RBBP6: variants seen among roughly 807,000 people sequenced by gnomAD.
RBBP6 encodes the protein RB binding protein 6, ubiquitin ligase.
In RBBP6, 25 loss-of-function variants were observed where a neutral mutation model predicts 167.7. The ratio of observed to expected loss-of-function variants is 0.15; its 90% CI spans 0.11 to 0.21. RBBP6 has a LOEUF of 0.21. Ranked by LOEUF, RBBP6 falls within the 10% of genes least tolerant of loss-of-function variation. The pLI is 1.00. For synonymous variants in RBBP6, 789 were observed against 735.8 expected, an observed-to-expected ratio of 1.07 and a Z score of -1.17; for missense variants, 1,868 against 2,134.2, an observed-to-expected ratio of 0.88 and a Z score of 2.46.
chr16:24,546,126 C>A, intron 1 of RBBP6, 37 bp from the exon 2 acceptor site: 2 of 1,541,134 alleles, frequency 1.3e-6, no homozygotes, highest in Admixed American at 2.2e-5. Flanking sequence ...CACTCAAATC[C>A]CCAAATGGAA....
In RBBP6 at chr16:24,548,985, T is replaced by C. The variant is rs1386724525; in HGVS notation, c.303+4T>C. 2.5e-6 allele frequency: 4 copies of C among 1,611,268 alleles called. No individual in the cohort carries two copies. Among genetic ancestry groups the C allele is most frequent in the Admixed American group, 1.7e-5 (1 of 59,872 alleles). On this transcript the variant is annotated splice_donor_region_variant and intron_variant, in intron 3 of 17. Transcript: ENST00000319715. The stretch of plus-strand genomic sequence containing the variant: ...AGCGATGGCAACTACAAAAGCAGTA[T>C]GTAAAAACACAATCTCACACTTTTT...
rs1898894735 is a variant in RBBP6 at position 24,555,626 on chromosome 16, G to C, written c.360G>C (p.Leu120=). ...TACCTGTTAAACAGACTGCCAATCT[G>C]GCTGAAGCCAATGCTTCTGAAGAAG... ...SLAQLTKTAN[L]AEANASEEDK... The change falls in exon 5 of 18, where the codon CTG becomes CTC. Residue 120 remains leucine (L), a synonymous_variant. Transcript: ENST00000319715. 4.3e-6 allele frequency: 7 copies of C among 1,610,410 alleles called. No individual in the cohort carries two copies. The South Asian group carries it at 6.6e-5, about 15-fold the overall frequency.
Position 24,559,692 on chromosome 16 carries a change from A to G in RBBP6, c.847+15A>G, listed in dbSNP as rs549890813. 8 of 1,512,284 alleles carry G rather than the reference A, an allele frequency of 5.3e-6. No homozygotes were observed. In the South Asian group the frequency reaches 1.1e-4, roughly 21 times the overall value. The allele number at this position is 1,512,284 out of a possible 1,614,324, so 93.7% of individuals were successfully genotyped here. ...CTGTGATGAATGTAAGAAGTGCTGA[A>G]TCTTGGAAGATGTATATTTTAGAAT... On this transcript the variant is annotated intron_variant, in intron 8 of 17. Coordinates refer to ENST00000319715, the MANE Select transcript of RBBP6 (RefSeq NM_006910.5).
At chr16:24,567,698 T>G in intron 15 of RBBP6, 94 bp from the exon 16 acceptor site, 6 of 1,277,998 alleles carry the variant, frequency 4.7e-6, no homozygotes, top group Non-Finnish European at 6.6e-6. Flanking sequence ...TAATGGCAAT[T>G]TCATTCATTT....
chr16:24,552,553 G>A (rs1898821857), intron 3 of RBBP6, among the ~76,000 whole-genome samples: 1 of 151,564 alleles, frequency 6.6e-6, no homozygotes, highest in East Asian at 1.9e-4. Context: ...CATTTCAGAG[G>A]ATCAAATGAA....
rs747242847 is a variant in RBBP6 at position 24,572,253 on chromosome 16, G to A, written c.5187G>A (p.Lys1729=). 3.5e-5 allele frequency: 56 copies of A among 1,612,882 alleles called. No individual in the cohort carries two copies. Among genetic ancestry groups the A allele is most frequent in the Non-Finnish European group, 4.6e-5 (54 of 1,179,716 alleles). The part of the protein sequence containing the change: ...SSAESQDSKK[K]KKKKEKKKHK... ...CAGAAAGTCAGGACAGCAAGAAGAA[G>A]AAGAAAAAGAAGGAAAAGAAAAAAC... The change falls in exon 18 of 18, where the codon AAG becomes AAA. Residue 1729 remains lysine (K), a synonymous_variant. Coordinates refer to ENST00000319715, the MANE Select transcript of RBBP6 (RefSeq NM_006910.5).
intron 8 of RBBP6, 65 bp from the exon 9 acceptor site, chr16:24,561,547 A>G (rs1192844764): frequency 1.5e-6 from 2 of 1,333,996 alleles, no homozygotes; most frequent in African/African-American, 3.0e-5. Context: ...CATCCTTTTA[A>G]TTCATTTCGT....
At chr16:24,563,174 G>GTA (rs761236562) in intron 10 of RBBP6, 25 bp from the exon 11 acceptor site, 1 of 1,540,036 alleles carries the variant, frequency 6.5e-7, no homozygotes, top group Non-Finnish European at 8.9e-7. Context: ...AATTTTTAAT[G>GTA]TATTATAATT....
chr16:24,547,966 T>C (rs1201165526), intron 2 of RBBP6, among the ~76,000 whole-genome samples: 1 of 152,128 alleles, frequency 6.6e-6, no homozygotes, highest in Non-Finnish European at 1.5e-5. Flanking sequence ...GTTCTGTTTG[T>C]AATAAATTTG....
chr16:24,572,068 A>G lies in RBBP6; in HGVS notation c.5002A>G (p.Lys1668Glu). 6.2e-7 allele frequency: 1 copy of G among 1,614,178 alleles called. No homozygotes were observed. The highest frequency in any genetic ancestry group is 8.5e-7 in the Non-Finnish European group (1 of 1,180,028). ...SGNISKDLKD[K>E]IVEKAKESLD... ...AAACATTTCTAAGGACCTGAAAGAT[A>G]AAATAGTGGAGAAAGCAAAAGAGAG... The change falls in exon 18 of 18, where the codon AAA becomes GAA. Residue 1668 changes from lysine (K) to glutamate (E), a missense_variant. By Grantham distance (56) the Lys-to-Glu change is moderately conservative (BLOSUM62 1). Coordinates refer to ENST00000319715, the MANE Select transcript of RBBP6 (RefSeq NM_006910.5).
chr16:24,558,433 C>G, intron 7 of RBBP6: 1 of 972,156 alleles, frequency 1.0e-6, no homozygotes, highest in Non-Finnish European at 1.2e-6. Flanking sequence ...GGAGACTCCT[C>G]TTTCACAAAT....
In RBBP6 at chr16:24,571,831, T is replaced by G. The variant is rs756252657; in HGVS notation, c.4765T>G (p.Tyr1589Asp). 2.5e-6 allele frequency: 4 copies of G among 1,614,128 alleles called. No individual in the cohort carries two copies. The highest frequency in any genetic ancestry group is 3.3e-5 in the Admixed American group (2 of 60,010). ...AGAGTCAAGTGGCAATAAACTACTT[T>G]ATATACTTAACCCACCAGAGACACA... ...NKESSGNKLL[Y>D]ILNPPETQVE... The change falls in exon 18 of 18, where the codon TAT (tyrosine) becomes GAT (aspartate). Residue 1589 changes from tyrosine to aspartate, a missense_variant. Physicochemically the swap from Tyr to Asp is radical, Grantham distance 160. Coordinates refer to ENST00000319715, the MANE Select transcript of RBBP6 (RefSeq NM_006910.5).
At chr16:24,554,937 T>C (rs529943572) in intron 4 of RBBP6, 15 of 152,272 alleles carry the variant, frequency 9.9e-5, no homozygotes, top group Non-Finnish European at 2.1e-4. Flanking sequence ...ATGTTAAAAC[T>C]GGTTGCTTGT....
Position 24,562,132 on chromosome 16 carries a change from T to A in RBBP6, c.1260T>A (p.Val420=). 6.2e-7 allele frequency: 1 copy of A among 1,612,502 alleles called. No individual in the cohort carries two copies. The highest frequency in any genetic ancestry group is 8.5e-7 in the Non-Finnish European group (1 of 1,179,156). The part of the protein sequence containing the change: ...PDITATVSIS[V]HSEKSDGPFR... ...TAACTGCAACAGTATCCATATCAGT[T>A]CATTCAGAAAAATCAGATGGACCTT... Residue 420 remains valine, a synonymous_variant, in exon 10 of 18, where the codon GTT becomes GTA. Transcript: ENST00000319715.
rs768823835 is a variant in RBBP6, at chr16:24,568,990, A to G, written c.2300A>G (p.His767Arg). 5 of 1,614,162 alleles carry G rather than the reference A, an allele frequency of 3.1e-6. No individual in the cohort carries two copies. In the Admixed American group the frequency reaches 8.3e-5, roughly 27 times the overall value. Residue 767 changes from histidine to arginine, a missense_variant, in exon 17 of 18, where the codon CAT becomes CGT. Physicochemically the swap from His to Arg is conservative, Grantham distance 29. Coordinates refer to ENST00000319715, the MANE Select transcript of RBBP6 (RefSeq NM_006910.5). ...RSRSPPYRRY[H>R]SRSRSPQAFR... The stretch of plus-strand genomic sequence containing the variant: ...AGGTCACCCCCTTACAGACGCTATC[A>G]TTCACGATCAAGATCTCCTCAAGCG...
At chr16:24,550,862 A>G (rs1190088040) in intron 3 of RBBP6, among the ~76,000 whole-genome samples, 2 of 151,802 alleles carry the variant, frequency 1.3e-5, no homozygotes, top group Non-Finnish European at 3.0e-5. Context: ...GGCATTTAAG[A>G]TGAGAATATA....
At chr16:24,548,837 A>C (rs2141458908) in intron 2 of RBBP6, 108 bp from the exon 3 acceptor site, 2 of 897,710 alleles carry the variant, frequency 2.2e-6, no homozygotes, top group East Asian at 5.3e-5. Flanking sequence ...ATACCAAAGG[A>C]AAATTAGGTT....
At chr16:24,547,869 G>A (rs1486305224) in intron 2 of RBBP6, among the ~76,000 whole-genome samples, 3 of 152,090 alleles carry the variant, frequency 2.0e-5, no homozygotes, top group African/African-American at 4.8e-5. Context: ...TAGATTTTTT[G>A]ATAGAAACTC....
Position 24,572,748 on chromosome 16 carries a change from G to A in RBBP6, c.*303G>A. ...ATTTTCACATTTGAATTTTTTAATT[G>A]CCTGGCAAAAGCTGATATAAGTTCT... is the stretch of plus-strand genomic sequence containing the variant. On this transcript the variant is annotated 3_prime_UTR_variant, in exon 18 of 18. Transcript: ENST00000319715. The A allele has an allele frequency of 4.2e-6, 1 of 235,618 alleles. No homozygotes were observed. The highest frequency in any genetic ancestry group is 1.1e-4 in the South Asian group (1 of 8,840). The allele number at this position is 235,618 out of a possible 1,614,324, so 14.6% of individuals were successfully genotyped here. A position where few individuals can be genotyped will look rare whatever the true frequency, so the allele number is the denominator to read the frequency against.
Sources: allele counts gnomAD v4.1 joint callset (sites outside exome capture counted in the v4.1 genomes callset), GRCh38; gene constraint gnomAD v4.1.1; transcripts MANE v1.5; gene names NCBI Gene and HGNC (gene_info 2026-07-23, HGNC 2026-07-21).